The following ECT2 variants were observed in gnomAD, a reference collection of about 807,000 sequenced individuals.
ECT2 encodes the protein epithelial cell transforming 2.
ECT2 carries 61 observed loss-of-function variants against 116.9 expected under a neutral mutation model. The observed-to-expected ratio is 0.52, with a 90% CI of 0.42 to 0.65. The LOEUF (loss-of-function observed/expected upper bound fraction) is 0.65, where lower values mean the gene tolerates loss of function less well. ECT2 is among the 30% of genes least tolerant of loss of function. The probability of loss-of-function intolerance (pLI) is 0.00; values close to 1 mark genes in which losing one functional copy is unlikely to be tolerated. For missense variants in ECT2, 937 were observed against 1,078.7 expected (o/e 0.87, Z 1.84); for synonymous variants, 358 against 346.4 (o/e 1.03, Z -0.37).
chr3:172,822,749 T>A (rs1033384627), downstream of ECT2, among the ~76,000 whole-genome samples: 4 of 152,000 alleles, frequency 2.6e-5, no homozygotes, highest in Non-Finnish European at 4.4e-5. Context: ...AGAATCAAGT[T>A]GAACTTCTAG....
intron 22 of ECT2, among the ~76,000 whole-genome samples, chr3:172,814,961 A>G (rs1043650216): frequency 1.3e-5 from 2 of 152,132 alleles, no homozygotes; most frequent in Non-Finnish European, 2.9e-5. Flanking sequence ...CTCCCACCCT[A>G]TCCTGTCCTC....
At chr3:172,773,841 C>CT in intron 13 of ECT2, 62 bp from the exon 14 acceptor site, 2 of 1,512,358 alleles carry the variant, frequency 1.3e-6, no homozygotes, top group East Asian at 4.5e-5. Context: ...TTATCACTGT[C>CT]TATCTTTTAG....
intron 13 of ECT2, 68 bp downstream of exon 13, chr3:172,769,211 A>G (rs1720144646): frequency 7.1e-7 from 1 of 1,409,144 alleles, no homozygotes; most frequent in Non-Finnish European, 9.6e-7. Flanking sequence ...TCTAGGTGAT[A>G]TTGTTTCTTA....
chr3:172,759,164 A>T (rs950165699), intron 6 of ECT2, 95 bp downstream of exon 6: 1 of 826,582 alleles, frequency 1.2e-6, no homozygotes, highest in Non-Finnish European at 1.8e-6. Flanking sequence ...TTTTATTTTT[A>T]AAATATTGAA....
intron 13 of ECT2, among the ~76,000 whole-genome samples, chr3:172,772,807 G>A (rs973781046): frequency 6.6e-6 from 1 of 151,992 alleles, no homozygotes; most frequent in African/African-American, 2.4e-5. Flanking sequence ...TTATATTTAG[G>A]CTGTGATTCA....
At chr3:172,757,428 T>TG (rs1318442174) in intron 5 of ECT2, among the ~76,000 whole-genome samples, 1 of 149,964 alleles carries the variant, frequency 6.7e-6, no homozygotes, top group Non-Finnish European at 1.5e-5. Flanking sequence ...TTTTTTTTTT[T>TG]TTTTTTGAGA....
chr3:172,799,761 G>A (rs1416072270), intron 18 of ECT2, among the ~76,000 whole-genome samples: 7 of 152,098 alleles, frequency 4.6e-5, no homozygotes, highest in Admixed American at 3.9e-4. Context: ...CAAAACGATT[G>A]TACACACTAA....
intron 21 of ECT2, among the ~76,000 whole-genome samples, chr3:172,806,263 T>TG (rs1727676590): frequency 1.3e-5 from 2 of 152,286 alleles, no homozygotes; most frequent in South Asian, 4.1e-4. Context: ...GGCCAACAGT[T>TG]GCATTTTTAG....
chr3:172,799,924 A>G (rs1726409070), intron 18 of ECT2, among the ~76,000 whole-genome samples: 1 of 152,232 alleles, frequency 6.6e-6, no homozygotes, highest in Admixed American at 6.5e-5. Context: ...GACTTCAGGC[A>G]AACCTGCCCT....
intron 14 of ECT2, among the ~76,000 whole-genome samples, chr3:172,778,684 C>T (rs1722183906): frequency 6.8e-6 from 1 of 147,252 alleles, no homozygotes; most frequent in Admixed American, 7.1e-5. Flanking sequence ...CAACCTCCAC[C>T]TGCCGGGTTC....
At chr3:172,828,917 A>G in the ECT2 span, 7 of 1,454,342 alleles carry the variant, frequency 4.8e-6, no homozygotes, top group Admixed American at 5.4e-5. Flanking sequence ...CACAATTCCA[A>G]TGCCAGTCCC....
At chr3:172,826,650 T>G in the ECT2 span, among the ~76,000 whole-genome samples, 1,106 of 152,330 alleles carry the variant, frequency 7.3e-3, 13 homozygotes, top group African/African-American at 0.025. Flanking sequence ...AAATCTTTCA[T>G]GAGAGGAAGT....
At chr3:172,754,403 A>T (rs534824178) in intron 1 of ECT2, 106 bp from the exon 2 acceptor site, 1 of 783,314 alleles carries the variant, frequency 1.3e-6, no homozygotes, top group South Asian at 2.4e-5. Context: ...CATTAAAAAA[A>T]TGGGTAATAA....
At chr3:172,786,456 A>C (rs1723620034) in intron 17 of ECT2, 37 bp from the exon 18 acceptor site, 1 of 1,422,416 alleles carries the variant, frequency 7.0e-7, no homozygotes, top group Non-Finnish European at 9.8e-7. Context: ...AAATCACTGA[A>C]TTTTTTATGC....
Position 172,805,654 on chromosome 3 carries a change from G to A in ECT2, c.2107-77G>A. ...AGTTATATATAGATTTATGTGATTA[G>A]TGCTATTTTATTTTTTAAGTATTTG... On this transcript the variant is annotated intron_variant, in intron 20 of 24. Coordinates refer to ENST00000392692, the MANE Select transcript of ECT2 (RefSeq NM_001258315.2). 3 of 1,359,692 alleles carry A rather than the reference G, an allele frequency of 2.2e-6. No homozygotes were observed. The South Asian group carries it at 3.8e-5, about 17-fold the overall frequency. 84.2% of individuals were successfully genotyped at this position (1,359,692 alleles called of 1,614,324 possible). A position where few individuals can be genotyped will look rare whatever the true frequency, so the allele number is the denominator to read the frequency against.
At position 172,802,639 on chromosome 3, in the gene ECT2, A is replaced by G; in HGVS notation, c.1931A>G (p.Lys644Arg). 3 of 1,599,926 alleles carry G rather than the reference A, an allele frequency of 1.9e-6. No individual in the cohort carries two copies. Among genetic ancestry groups the G allele is most frequent in the Non-Finnish European group, 1.7e-6 (2 of 1,172,284 alleles). ...AGGCATATTAATGAGGATAAGAGAA[A>G]AACAGAAGCTCAAAAGCAAATTTTT... ...VMTHINEDKR[K>R]TEAQKQIFDV... Residue 644 changes from lysine (K) to arginine (R), a missense_variant, in exon 19 of 25, where the codon AAA (lysine) becomes AGA (arginine). Coordinates refer to ENST00000392692, the MANE Select transcript of ECT2 (RefSeq NM_001258315.2).
At position 172,764,322 on chromosome 3, in the gene ECT2, A is replaced by G. The variant is rs191487187; in HGVS notation, c.1113A>G (p.Leu371=). The G allele has an allele frequency of 1.6e-5, 26 of 1,614,144 alleles. No individual in the cohort carries two copies. In the Admixed American group the frequency reaches 2.5e-4, roughly 16 times the overall value. Residue 371 remains leucine (L), a synonymous_variant, in exon 12 of 25, where the codon CTA becomes CTG. Transcript: ENST00000392692. ...AGAAATCAGTGTCAATGCTTTCTCT[A>G]AATACCCCTAACAGCAATCGCAAAC... The part of the protein sequence containing the change: ...ELKKSVSMLS[L]NTPNSNRKRR...
rs1161370839 is a variant in ECT2 at position 172,820,133 on chromosome 3, G to A, written c.2656-15G>A. The A allele has an allele frequency of 6.3e-7, 1 of 1,579,882 alleles. No homozygotes were observed. The highest frequency in any genetic ancestry group is 1.7e-5 in the Admixed American group (1 of 57,210). Reference sequence around the variant, plus strand: ...GGAAAATTTAAAATATGAAATGTTTGTTTTGTCTTAACAGGGTATCCCTTC... The same window carrying A: ...GGAAAATTTAAAATATGAAATGTTTATTTTGTCTTAACAGGGTATCCCTTC... On this transcript the variant is annotated splice_polypyrimidine_tract_variant and intron_variant, in intron 24 of 24. Coordinates refer to ENST00000392692, the MANE Select transcript of ECT2 (RefSeq NM_001258315.2).
At chr3:172,826,853 A>G in the ECT2 span, among the ~76,000 whole-genome samples, 1 of 152,240 alleles carries the variant, frequency 6.6e-6, no homozygotes, top group Non-Finnish European at 1.5e-5. Context: ...AACAAAGTGA[A>G]GAGACAGTCA....
Sources: allele counts gnomAD v4.1 joint callset (sites outside exome capture counted in the v4.1 genomes callset), GRCh38; gene constraint gnomAD v4.1.1; transcripts MANE v1.5; gene names NCBI Gene and HGNC (gene_info 2026-07-23, HGNC 2026-07-21).